Variants in ROBO1 observed in about 807,000 individuals in gnomAD.
ROBO1 encodes roundabout guidance receptor 1.
Under a neutral mutation model 195.9 loss-of-function variants are expected in ROBO1, and 149 were observed. The ratio of observed to expected loss-of-function variants is 0.76; its 90% CI spans 0.67 to 0.87. The LOEUF is 0.87. Among genes scored for constraint, ROBO1 ranks in the 40% least tolerant of loss-of-function variants. ROBO1 has a pLI of 0.00. For missense variants in ROBO1, 1,933 were observed against 2,068.3 expected (o/e 0.93, Z 1.27); for synonymous variants, 816 against 733.2 (o/e 1.11, Z -1.82).
At chr3:79,572,183 A>G (rs1419859333) in intron 2 of ROBO1, among the ~76,000 whole-genome samples, 1 of 152,078 alleles carries the variant, frequency 6.6e-6, no homozygotes, top group Non-Finnish European at 1.5e-5. Context: ...TTTATTTACA[A>G]AGATGTCAAG....
At chr3:79,066,578 T>C (rs1022151558) in intron 3 of ROBO1, among the ~76,000 whole-genome samples, 5 of 151,928 alleles carry the variant, frequency 3.3e-5, no homozygotes, top group African/African-American at 1.2e-4. Flanking sequence ...GAGTAATTTT[T>C]TTAGATATTT....
At chr3:78,924,193 T>C (rs2039090047) in intron 4 of ROBO1, among the ~76,000 whole-genome samples, 1 of 152,120 alleles carries the variant, frequency 6.6e-6, no homozygotes, top group Admixed American at 6.5e-5. Flanking sequence ...AGCTATCTAA[T>C]ATACACTTAG....
intron 2 of ROBO1, among the ~76,000 whole-genome samples, chr3:79,510,552 C>CTTTT (rs11293666): frequency 6.9e-6 from 1 of 144,490 alleles, no homozygotes. Flanking sequence ...ATCCTTTCTT[C>CTTTT]TTTTTTTTTT....
intron 2 of ROBO1, among the ~76,000 whole-genome samples, chr3:79,565,898 T>C (rs1943073546): frequency 6.6e-6 from 1 of 152,156 alleles, no homozygotes; most frequent in African/African-American, 2.4e-5. Flanking sequence ...ATAACTTACA[T>C]ATTCAAGTAA....
intron 8 of ROBO1, among the ~76,000 whole-genome samples, chr3:78,699,267 G>A (rs79100064): frequency 0.018 from 2,779 of 152,016 alleles, 76 homozygotes; most frequent in African/African-American, 0.062. Flanking sequence ...AAGGCTAGGC[G>A]CAGTGGCTCA....
At chr3:79,688,480 TTGAC>T (rs1424712965) in intron 1 of ROBO1, among the ~76,000 whole-genome samples, 1 of 152,054 alleles carries the variant, frequency 6.6e-6, no homozygotes, top group African/African-American at 2.4e-5. Context: ...AATTATTACT[TTGAC>T]TATTTTTTGC....
intron 3 of ROBO1, among the ~76,000 whole-genome samples, chr3:78,969,624 C>G (rs943199361): frequency 1.3e-5 from 2 of 152,100 alleles, no homozygotes; most frequent in Non-Finnish European, 2.9e-5. Flanking sequence ...TCTGAGTACG[C>G]CTACTCAATG....
At chr3:79,115,231 T>C (rs573463458) in intron 3 of ROBO1, among the ~76,000 whole-genome samples, 1 of 152,282 alleles carries the variant, frequency 6.6e-6, no homozygotes, top group Non-Finnish European at 1.5e-5. Flanking sequence ...AAGTAGTTAC[T>C]AAGAACACAA....
chr3:79,574,485 T>C (rs1198145010), intron 2 of ROBO1, among the ~76,000 whole-genome samples: 1 of 152,016 alleles, frequency 6.6e-6, no homozygotes, highest in East Asian at 1.9e-4. Flanking sequence ...AAACATACTA[T>C]AAATTAATAG....
Position 78,738,357 on chromosome 3 carries a change from G to T in ROBO1, c.657+8386C>A, listed in dbSNP as rs181269401. On this transcript the variant is annotated intron_variant, in intron 5 of 30. Coordinates refer to ENST00000464233, the MANE Select transcript of ROBO1 (RefSeq NM_002941.4). ...TACTCCATTCTAATAATTTTACCTCGTCAGCATGGGAATGGGAAGCGTTAA... is the reference window on the plus strand; with the variant it reads ...TACTCCATTCTAATAATTTTACCTCTTCAGCATGGGAATGGGAAGCGTTAA... Among the ~76,000 whole-genome samples, 450 of 152,222 alleles carry T rather than the reference G, an allele frequency of 3.0e-3. 2 individuals carry two copies. Among genetic ancestry groups the T allele is most frequent in the Middle Eastern group, 0.01 (3 of 294 alleles).
chr3:79,400,381 C>G (rs1405771925), intron 2 of ROBO1, among the ~76,000 whole-genome samples: 1 of 151,982 alleles, frequency 6.6e-6, no homozygotes, highest in African/African-American at 2.4e-5. Context: ...TTGGCAGATA[C>G]ATGACAAATT....
intron 3 of ROBO1, among the ~76,000 whole-genome samples, chr3:78,968,527 C>A (rs2076696412): frequency 6.6e-6 from 1 of 151,610 alleles, no homozygotes; most frequent in African/African-American, 2.4e-5. Context: ...AGCTGCCTAC[C>A]TGGGCTTCTC....
chr3:79,759,819 A>T (rs934685786), intron 1 of ROBO1, among the ~76,000 whole-genome samples: 4 of 152,204 alleles, frequency 2.6e-5, no homozygotes, highest in Non-Finnish European at 4.4e-5. Context: ...GATGCCAACC[A>T]GCCTTATAAA....
intron 3 of ROBO1, among the ~76,000 whole-genome samples, chr3:79,097,651 G>A (rs1392418214): frequency 2.6e-5 from 4 of 151,746 alleles, no homozygotes; most frequent in Admixed American, 6.6e-5. Flanking sequence ...ATCAAGAAGT[G>A]AATGAATGTT....
intron 2 of ROBO1, among the ~76,000 whole-genome samples, chr3:79,587,341 G>A (rs1943860879): frequency 2.6e-5 from 4 of 151,732 alleles, no homozygotes; most frequent in Non-Finnish European, 5.9e-5. Flanking sequence ...ACACTTTATT[G>A]TTGTGGTAAT....
intron 2 of ROBO1, among the ~76,000 whole-genome samples, chr3:79,295,798 A>G (rs2032559241): frequency 6.6e-6 from 1 of 152,146 alleles, no homozygotes; most frequent in Non-Finnish European, 1.5e-5. Context: ...CAGAAGAAAA[A>G]AGAAAAACAG....
intron 1 of ROBO1, among the ~76,000 whole-genome samples, chr3:79,727,227 G>T (rs1226813011): frequency 1.3e-5 from 2 of 152,110 alleles, no homozygotes; most frequent in Non-Finnish European, 2.9e-5. Context: ...AACAAACCAG[G>T]TGAAAAAGCT....
rs1478768908 is a variant in ROBO1, at chr3:79,028,695, A to C, written c.173-89768T>G. ...TTATTCCAATGATCTTAGAACCAAC[A>C]TATGTAAGAGTAAGAAAGATCACAG... On this transcript the variant is annotated intron_variant, in intron 3 of 30. Transcript: ENST00000464233. Among the ~76,000 whole-genome samples, 4 of 151,992 alleles carry C rather than the reference A, an allele frequency of 2.6e-5. No individual in the cohort carries two copies. The East Asian group carries it at 7.7e-4, about 29-fold the overall frequency.
At chr3:79,615,375 C>T (rs80067820) in intron 1 of ROBO1, among the ~76,000 whole-genome samples, 3 of 152,130 alleles carry the variant, frequency 2.0e-5, no homozygotes, top group Non-Finnish European at 4.4e-5. Flanking sequence ...TGAACCAATG[C>T]ACAACGTACA....
Sources: allele counts gnomAD v4.1 joint callset (sites outside exome capture counted in the v4.1 genomes callset), GRCh38; gene constraint gnomAD v4.1.1; transcripts MANE v1.5; gene names NCBI Gene and HGNC (gene_info 2026-07-23, HGNC 2026-07-21).